ZNF254: variants seen among roughly 807,000 people sequenced by gnomAD.
ZNF254 encodes CTD-2017D11.1.
Under a neutral mutation model 12.4 loss-of-function variants are expected in ZNF254, and 10 were observed. The observed-to-expected ratio is 0.80, with a 90% confidence interval of 0.50 to 1.36. ZNF254 has a LOEUF of 1.36. Among genes scored for constraint, ZNF254 ranks in the 40% most tolerant of loss-of-function variants. ZNF254 has a pLI of 0.00. For missense variants in ZNF254, 996 were observed against 763.9 expected (o/e 1.30, Z -3.58); for synonymous variants, 305 against 253.4 (o/e 1.20, Z -1.93).
chr19:24,038,673 C>T (rs1970050566), intron 1 of ZNF254, among the ~76,000 whole-genome samples: 2 of 152,320 alleles, frequency 1.3e-5, no homozygotes, highest in South Asian at 4.1e-4. Context: ...TGCAATTGGG[C>T]TTCCATTCAC....
chr19:24,085,408 G>GTATATATATATATATATATATATA (rs377541868), upstream of ZNF254, among the ~76,000 whole-genome samples: 3,139 of 32,508 alleles, frequency 0.097, 589 homozygotes, highest in Middle Eastern at 0.17. Flanking sequence ...TTTGTTAAGG[G>GTATATATATATATATATATATATA]TATATATATA....
chr19:24,100,913 C>T (rs1012378903), intron 1 of ZNF254, among the ~76,000 whole-genome samples: 4 of 151,660 alleles, frequency 2.6e-5, no homozygotes, highest in South Asian at 2.1e-4. Flanking sequence ...CTGCAACCTC[C>T]GCCTCCCAAG....
At chr19:24,063,285 C>A (rs911707036) in intron 2 of ZNF254, among the ~76,000 whole-genome samples, 2 of 152,184 alleles carry the variant, frequency 1.3e-5, no homozygotes, top group East Asian at 3.9e-4. Context: ...TGACATACAT[C>A]TTAGCCCAGC....
intron 1 of ZNF254, among the ~76,000 whole-genome samples, chr19:24,090,016 C>A (rs1197269615): frequency 6.8e-6 from 1 of 148,050 alleles, no homozygotes; most frequent in Non-Finnish European, 1.5e-5. Context: ...GGTGAAACCC[C>A]ATCTCTACTA....
At chr19:24,070,061 A>G (rs766617958) in intron 2 of ZNF254, among the ~76,000 whole-genome samples, 4 of 152,230 alleles carry the variant, frequency 2.6e-5, no homozygotes, top group Non-Finnish European at 4.4e-5. Flanking sequence ...GCAAACATCG[A>G]GCCAGGAATG....
chr19:24,109,720 CT>C (rs59907004), intron 3 of ZNF254, among the ~76,000 whole-genome samples: 37,988 of 131,984 alleles, frequency 0.29, 5,592 homozygotes, highest in African/African-American at 0.47. Flanking sequence ...CTTTTCTTTT[CT>C]TTTTTTTTTT....
intron 2 of ZNF254, among the ~76,000 whole-genome samples, chr19:24,062,096 A>G (rs933494925): frequency 1.7e-4 from 23 of 133,754 alleles, no homozygotes; most frequent in African/African-American, 3.5e-4. Flanking sequence ...ACAAAAAAAA[A>G]AAAAAAGAAA....
chr19:24,084,247 C>A (rs999996633), upstream of ZNF254, among the ~76,000 whole-genome samples: 2 of 149,870 alleles, frequency 1.3e-5, no homozygotes, highest in Non-Finnish European at 3.0e-5. Context: ...AATAATAGCA[C>A]TTGCAGCAAC....
intron 1 of ZNF254, among the ~76,000 whole-genome samples, chr19:24,039,333 C>G (rs1970075606): frequency 6.6e-6 from 1 of 152,212 alleles, no homozygotes; most frequent in Non-Finnish European, 1.5e-5. Context: ...AAGTTAGGGC[C>G]ACAACTGTCC....
At chr19:24,047,351 CCTTT>C (rs1296722809) in intron 2 of ZNF254, among the ~76,000 whole-genome samples, 3 of 150,520 alleles carry the variant, frequency 2.0e-5, no homozygotes, top group African/African-American at 4.9e-5. Flanking sequence ...TTCCTTCCTA[CCTTT>C]CTTTCTTCTT....
At chr19:24,057,685 T>C (rs1056501486) in intron 2 of ZNF254, among the ~76,000 whole-genome samples, 9 of 152,224 alleles carry the variant, frequency 5.9e-5, no homozygotes, top group African/African-American at 2.2e-4. Flanking sequence ...AAATTTACTC[T>C]TATAAGTGAA....
intron 2 of ZNF254, among the ~76,000 whole-genome samples, chr19:24,073,215 A>G (rs1321391207): frequency 6.6e-6 from 1 of 152,208 alleles, no homozygotes; most frequent in African/African-American, 2.4e-5. Context: ...GACAGTGCCC[A>G]CTGGAGAGAT....
intron 3 of ZNF254, among the ~76,000 whole-genome samples, chr19:24,113,693 G>A (rs996916309): frequency 2.6e-5 from 4 of 152,126 alleles, no homozygotes; most frequent in Non-Finnish European, 5.9e-5. Flanking sequence ...AGGGCAATTA[G>A]GCAGGAGAAG....
chr19:24,124,004 A>G (rs1160035410), intron 3 of ZNF254, among the ~76,000 whole-genome samples: 2 of 152,002 alleles, frequency 1.3e-5, no homozygotes, highest in Non-Finnish European at 2.9e-5. Context: ...TGAAATAGAA[A>G]GACTTACTGT....
rs571867475 is a variant in ZNF254, at chr19:24,119,126, G to A, written c.254-7128G>A. 1.2e-3 allele frequency among the ~76,000 whole-genome samples: 175 copies of A among 151,734 alleles called. 1 individual carries two copies. Among genetic ancestry groups the A allele is most frequent in the Middle Eastern group, 3.4e-3 (1 of 294 alleles). ...GACTCTGACTTCAAAAACAAAAAAA[G>A]TTATCTTCTTATGTCTAATTAAAAG... On this transcript the variant is annotated intron_variant, in intron 3 of 3. Transcript: ENST00000357002.
chr19:24,052,496 C>G (rs904776603), intron 2 of ZNF254, among the ~76,000 whole-genome samples: 3 of 152,104 alleles, frequency 2.0e-5, no homozygotes, highest in East Asian at 3.9e-4. Flanking sequence ...TGCCTGCACC[C>G]TGACCACTGG....
At chr19:24,033,783 G>A (rs891114986) in intron 1 of ZNF254, among the ~76,000 whole-genome samples, 12 of 152,182 alleles carry the variant, frequency 7.9e-5, no homozygotes, top group African/African-American at 2.9e-4. Context: ...CCGCAGCCGG[G>A]ATCCCCGCGT....
At chr19:24,087,917 T>C (rs2145637960) in intron 1 of ZNF254, among the ~76,000 whole-genome samples, 1 of 150,212 alleles carries the variant, frequency 6.7e-6, no homozygotes, top group African/African-American at 2.4e-5. Context: ...TTTTTTTTTT[T>C]TTTTTTTCTT....
At chr19:24,064,548 T>TG (rs1336652598) in intron 2 of ZNF254, 3 of 152,276 alleles carry the variant, frequency 2.0e-5, no homozygotes, top group Non-Finnish European at 2.9e-5. Context: ...GTTTTTGAGA[T>TG]GGAGTTTTGC....
Sources: allele counts gnomAD v4.1 joint callset (sites outside exome capture counted in the v4.1 genomes callset), GRCh38; gene constraint gnomAD v4.1.1; transcripts MANE v1.5; gene names NCBI Gene and HGNC (gene_info 2026-07-23, HGNC 2026-07-21).